The following GPC5 variants were observed in gnomAD, a reference collection of about 807,000 sequenced individuals.
The protein encoded by GPC5 is glypican-5.
A neutral mutation model predicts 53.9 loss-of-function variants in GPC5; 47 were observed. The ratio of observed to expected loss-of-function variants is 0.87; its 90% CI spans 0.69 to 1.11. The LOEUF (loss-of-function observed/expected upper bound fraction) is 1.11. Among genes scored for constraint, GPC5 ranks in the 50% most tolerant of loss-of-function variants. GPC5 has a pLI of 0.00. For missense variants in GPC5, 748 were observed against 713.1 expected (o/e 1.05, Z -0.56); for synonymous variants, 286 against 263.3 (o/e 1.09, Z -0.84).
At chr13:91,922,221 G>A (rs2039722496) in intron 6 of GPC5, among the ~76,000 whole-genome samples, 1 of 152,026 alleles carries the variant, frequency 6.6e-6, no homozygotes, top group Non-Finnish European at 1.5e-5. Context: ...CTTGTGCATA[G>A]GAATGTTGTC....
intron 6 of GPC5, among the ~76,000 whole-genome samples, chr13:92,031,752 TTATATTACATATTATATATAATATATAA>T (rs2040847297): frequency 2.3e-5 from 1 of 43,758 alleles, no homozygotes; most frequent in African/African-American, 1.3e-4. Context: ...ATAATATATA[TTATATTACATATTATATATAATATATAA>T]TATATTACAT....
chr13:92,455,174 T>C (rs542867646), intron 7 of GPC5, among the ~76,000 whole-genome samples: 19 of 152,298 alleles, frequency 1.2e-4, no homozygotes, highest in African/African-American at 3.4e-4. Context: ...TTGCTGATAG[T>C]GGATACTGAA....
Position 92,250,824 on chromosome 13 carries a change from A to C in GPC5, c.1561+105835A>C, listed in dbSNP as rs2042687323. On this transcript the variant is annotated intron_variant, in intron 7 of 7. Transcript: ENST00000377067. Reference sequence around the variant, plus strand: ...GGATGTAATGTAAACTAATAAAAATAAAGCCTGAGAAGCTTTATGATGGCA... The same window carrying C: ...GGATGTAATGTAAACTAATAAAAATCAAGCCTGAGAAGCTTTATGATGGCA... 3.3e-5 allele frequency among the ~76,000 whole-genome samples: 5 copies of C among 152,244 alleles called. No individual in the cohort carries two copies. The South Asian group carries it at 8.3e-4, about 25-fold the overall frequency.
intron 7 of GPC5, among the ~76,000 whole-genome samples, chr13:92,332,900 C>G (rs909136652): frequency 1.3e-5 from 2 of 152,174 alleles, no homozygotes; most frequent in Admixed American, 6.6e-5. Flanking sequence ...AGTCATCACT[C>G]TGTTCTAACA....
At chr13:91,614,022 A>G (rs957051725) in intron 2 of GPC5, among the ~76,000 whole-genome samples, 10 of 152,232 alleles carry the variant, frequency 6.6e-5, no homozygotes, top group Non-Finnish European at 1.3e-4. Flanking sequence ...GTGAGTGGAT[A>G]TCGAATACCA....
intron 1 of GPC5, among the ~76,000 whole-genome samples, chr13:91,441,871 A>G (rs1169104996): frequency 6.6e-6 from 1 of 152,166 alleles, no homozygotes; most frequent in Non-Finnish European, 1.5e-5. Flanking sequence ...TCTGGTGAGC[A>G]TTTGGTATTT....
intron 2 of GPC5, among the ~76,000 whole-genome samples, chr13:91,522,675 C>CCACA (rs1885883037): frequency 6.6e-6 from 1 of 152,126 alleles, no homozygotes; most frequent in Non-Finnish European, 1.5e-5. Flanking sequence ...ACCCCCAACC[C>CCACA]CACAACAGGC....
intron 7 of GPC5, among the ~76,000 whole-genome samples, chr13:92,776,025 A>C (rs1875791519): frequency 6.6e-6 from 1 of 152,212 alleles, no homozygotes. Flanking sequence ...CGCTGTAAGA[A>C]TTCACCACAA....
At chr13:92,380,061 G>C (rs538859414) in intron 7 of GPC5, among the ~76,000 whole-genome samples, 49 of 152,112 alleles carry the variant, frequency 3.2e-4, no homozygotes, top group African/African-American at 1.2e-3. Context: ...TAATATTATC[G>C]TGCAGGCTGC....
intron 2 of GPC5, among the ~76,000 whole-genome samples, chr13:91,677,247 C>T (rs562900233): frequency 5.3e-5 from 8 of 152,210 alleles, no homozygotes; most frequent in South Asian, 2.1e-4. Flanking sequence ...TATTAAATCT[C>T]GACCTTGGTG....
intron 6 of GPC5, among the ~76,000 whole-genome samples, chr13:92,008,748 T>G (rs2138769613): frequency 6.6e-6 from 1 of 152,302 alleles, no homozygotes; most frequent in African/African-American, 2.4e-5. Flanking sequence ...TTGACATTAC[T>G]TCTTGAAATT....
At chr13:91,999,532 G>T (rs1215544291) in intron 6 of GPC5, among the ~76,000 whole-genome samples, 1 of 152,112 alleles carries the variant, frequency 6.6e-6, no homozygotes, top group Non-Finnish European at 1.5e-5. Context: ...TTTACTTGGG[G>T]ATGTGGGATG....
intron 7 of GPC5, among the ~76,000 whole-genome samples, chr13:92,286,853 G>A (rs961350204): frequency 6.6e-6 from 1 of 151,994 alleles, no homozygotes; most frequent in Non-Finnish European, 1.5e-5. Flanking sequence ...CCTGCACATT[G>A]TGCACATGTA....
intron 3 of GPC5, 24 bp downstream of exon 3, chr13:91,693,905 A>T: frequency 6.5e-7 from 1 of 1,530,472 alleles, no homozygotes; most frequent in Non-Finnish European, 8.9e-7. Flanking sequence ...CCACATTTTC[A>T]GTCTGACTTC....
At chr13:91,675,069 C>A (rs1031886359) in intron 2 of GPC5, among the ~76,000 whole-genome samples, 24 of 151,060 alleles carry the variant, frequency 1.6e-4, no homozygotes, top group African/African-American at 5.8e-4. Flanking sequence ...GTTTCCTAAA[C>A]ATCTGAATGG....
chr13:92,118,479 G>T (rs1414170562), intron 6 of GPC5, among the ~76,000 whole-genome samples: 3 of 152,144 alleles, frequency 2.0e-5, no homozygotes, highest in Non-Finnish European at 4.4e-5. Flanking sequence ...CCACTACACA[G>T]CTAGTATCAT....
At chr13:91,738,325 T>C (rs916791613) in intron 4 of GPC5, among the ~76,000 whole-genome samples, 5 of 151,476 alleles carry the variant, frequency 3.3e-5, no homozygotes, top group Non-Finnish European at 7.3e-5. Context: ...TGGCATATTC[T>C]GGTCTCCTAC....
At chr13:92,239,630 A>G (rs903065700) in intron 7 of GPC5, among the ~76,000 whole-genome samples, 2 of 152,016 alleles carry the variant, frequency 1.3e-5, no homozygotes, top group Non-Finnish European at 2.9e-5. Flanking sequence ...AGACGTATCC[A>G]ATCAAGTGAA....
chr13:91,529,435 C>T (rs1474532803), intron 2 of GPC5, among the ~76,000 whole-genome samples: 1 of 152,130 alleles, frequency 6.6e-6, no homozygotes, highest in East Asian at 1.9e-4. Context: ...ATTTCAGTTT[C>T]AGCTGTCTTA....
Sources: gnomAD v4.1 joint callset for allele counts (sites outside exome capture counted in the v4.1 genomes callset) on GRCh38, gnomAD v4.1.1 for gene constraint, MANE v1.5 for transcripts, NCBI Gene and HGNC (gene_info 2026-07-23, HGNC 2026-07-21) for gene names.